The following PIGG variants were observed in gnomAD, a reference collection of about 807,000 sequenced individuals.
PIGG encodes the protein GPI ethanolamine phosphate transferase 2, catalytic subunit.
PIGG carries 70 observed loss-of-function variants against 83.2 expected under a neutral mutation model. The ratio of observed to expected loss-of-function variants is 0.84; its 90% CI spans 0.69 to 1.03. The LOEUF is 1.03. PIGG is among the 50% of genes least tolerant of loss of function. The probability of loss-of-function intolerance (pLI) is 0.00; values close to 1 mark genes in which losing one functional copy is unlikely to be tolerated. For synonymous variants in PIGG, 532 were observed against 519.5 expected (o/e 1.02, Z -0.33); for missense variants, 1,257 against 1,233.6 (o/e 1.02, Z -0.28).
chr4:516,615 T>G (rs1723949690), intron 6 of PIGG, among the ~76,000 whole-genome samples: 1 of 152,004 alleles, frequency 6.6e-6, no homozygotes, highest in African/African-American at 2.4e-5. Context: ...CCCAGCACTT[T>G]GGGAGGCCAA....
chr4:506,641 T>C (rs965478562), intron 3 of PIGG: 3 of 390,964 alleles, frequency 7.7e-6, no homozygotes, highest in East Asian at 7.4e-5. Context: ...CTTCTCTTCA[T>C]AGGAGATTTT....
intron 2 of PIGG, chr4:502,224 T>G (rs1376948351): frequency 6.6e-6 from 1 of 152,240 alleles, no homozygotes; most frequent in African/African-American, 2.4e-5. Flanking sequence ...TGTCTCCAGC[T>G]TATTGGTTTT....
In PIGG at chr4:521,870, G is replaced by A. The variant is rs749179747; in HGVS notation, c.1543G>A (p.Ala515Thr). Reference protein sequence around the residue: ...WLAAGGVMVLASALLCVIVSV... With the variant: ...WLAAGGVMVLTSALLCVIVSV... ...GGCGGCAGGTGGGGTGATGGTGCTG[G>A]CCTCGGCGCTGCTGTGTGTGATTGT... The change falls in exon 8 of 13, where the codon GCC (alanine) becomes ACC (threonine). Residue 515 changes from alanine to threonine, a missense_variant. By Grantham distance (58) the Ala-to-Thr change is moderately conservative. Coordinates refer to ENST00000453061, the MANE Select transcript of PIGG (RefSeq NM_001127178.3). The A allele has an allele frequency of 5.0e-6, 8 of 1,614,210 alleles. No individual in the cohort carries two copies. Among genetic ancestry groups the A allele is most frequent in the Non-Finnish European group, 6.8e-6 (8 of 1,180,032 alleles).
intron 4 of PIGG, 100 bp from the exon 5 acceptor site, chr4:508,729 C>A: frequency 9.7e-7 from 1 of 1,031,616 alleles, no homozygotes; most frequent in Non-Finnish European, 1.5e-6. Context: ...GAAAGAGCTA[C>A]AACTCTATAA....
At chr4:516,819 G>T (rs1247929993) in intron 6 of PIGG, among the ~76,000 whole-genome samples, 1 of 134,888 alleles carries the variant, frequency 7.4e-6, no homozygotes, top group African/African-American at 2.9e-5. Context: ...TCGCGCTACT[G>T]CACTCCAGCC....
chr4:530,917 A>T, intron 11 of PIGG, 172 bp downstream of exon 11: 1 of 595,014 alleles, frequency 1.7e-6, no homozygotes. Flanking sequence ...GTTGTTTAAG[A>T]CACGCGTCCC....
At chr4:527,276 T>A in intron 10 of PIGG, 46 bp downstream of exon 10, 1 of 1,521,332 alleles carries the variant, frequency 6.6e-7, no homozygotes, top group Non-Finnish European at 8.8e-7. Context: ...CTTTACTGTT[T>A]GAAGAACTGG....
intron 9 of PIGG, chr4:525,462 G>T: frequency 3.3e-6 from 2 of 603,706 alleles, no homozygotes; most frequent in Non-Finnish European, 4.2e-6. Flanking sequence ...GGCAGCAGAA[G>T]GAAAAGGGAA....
At chr4:535,006 C>A (rs1730120799) in intron 12 of PIGG, among the ~76,000 whole-genome samples, 2 of 152,258 alleles carry the variant, frequency 1.3e-5, no homozygotes, top group South Asian at 2.1e-4. Context: ...GTTCCCACCG[C>A]CGCACACTCT....
At chr4:526,983 G>T in intron 9 of PIGG, 56 bp from the exon 10 acceptor site, 1 of 1,604,940 alleles carries the variant, frequency 6.2e-7, no homozygotes, top group Non-Finnish European at 8.5e-7. Flanking sequence ...ACTTGGTGTA[G>T]ATTGATCTTG....
chr4:521,394 G>GT, intron 7 of PIGG, 121 bp downstream of exon 7: 1 of 742,208 alleles, frequency 1.3e-6, no homozygotes, highest in Non-Finnish European at 2.2e-6. Flanking sequence ...TAATTTTCTT[G>GT]TTTAACTCTT....
intron 1 of PIGG, 105 bp downstream of exon 1, chr4:499,594 G>C (rs990629937): frequency 1.4e-6 from 2 of 1,444,196 alleles, no homozygotes; most frequent in East Asian, 5.1e-5. Flanking sequence ...CTCCCCGGTG[G>C]TCTCTTCCAT....
rs1727286258 is a variant in PIGG, at chr4:525,367, A to C, written c.2069+1454A>C. Reference sequence around the variant, plus strand: ...GTGAAGACTTAGGAAACTAAAGCAAAAGAAGCAGCACAATGAGAGCATCTG... The same window carrying C: ...GTGAAGACTTAGGAAACTAAAGCAACAGAAGCAGCACAATGAGAGCATCTG... On this transcript the variant is annotated intron_variant, in intron 9 of 12. Coordinates refer to ENST00000453061, the MANE Select transcript of PIGG (RefSeq NM_001127178.3). 3.0e-6 allele frequency: 3 copies of C among 985,230 alleles called. No individual in the cohort carries two copies. The South Asian group carries it at 1.4e-4, about 46-fold the overall frequency. The allele number at this position is 985,230 out of a possible 1,614,324, so 61.0% of individuals were successfully genotyped here. A position where few individuals can be genotyped will look rare whatever the true frequency, so the allele number is the denominator to read the frequency against.
chr4:522,077 G>C, intron 8 of PIGG, 136 bp downstream of exon 8: 1 of 896,180 alleles, frequency 1.1e-6, no homozygotes, highest in Non-Finnish European at 1.8e-6. Context: ...GCCCTGGACA[G>C]GGGGCCTCAG....
At chr4:535,122 G>A (rs955753555) in intron 12 of PIGG, among the ~76,000 whole-genome samples, 16 of 152,358 alleles carry the variant, frequency 1.1e-4, no homozygotes, top group African/African-American at 2.6e-4. Context: ...CTGGCCTGGC[G>A]GAGTCAGGTG....
intron 12 of PIGG, among the ~76,000 whole-genome samples, chr4:534,655 G>A (rs1459728413): frequency 1.3e-5 from 2 of 152,218 alleles, no homozygotes; most frequent in African/African-American, 4.8e-5. Context: ...TGAGCCTGAG[G>A]TCTCCTCTCC....
intron 7 of PIGG, 81 bp from the exon 8 acceptor site, chr4:521,579 C>A: frequency 1.5e-6 from 2 of 1,340,288 alleles, no homozygotes; most frequent in South Asian, 1.3e-5. Context: ...ACAGCTGACA[C>A]GAGAGCGGGA....
At chr4:523,103 G>A (rs1160902432) in intron 8 of PIGG, among the ~76,000 whole-genome samples, 1 of 152,148 alleles carries the variant, frequency 6.6e-6, no homozygotes, top group East Asian at 1.9e-4. Context: ...GGGTCCAGGA[G>A]CCTTTGGGCA....
Position 521,740 on chromosome 4 carries a change from G to T in PIGG, c.1413G>T (p.Gly471=). ...TGGAAGTCCCACTGTCATCTCCTGG[G>T]TTTTCTCTGCTCTTTTATTTGGTGA... ...AELEVPLSSP[G]FSLLFYLVIL... The change falls in exon 8 of 13, where the codon GGG becomes GGT. Residue 471 remains glycine, a synonymous_variant. Coordinates refer to ENST00000453061, the MANE Select transcript of PIGG (RefSeq NM_001127178.3). 6.2e-7 allele frequency: 1 copy of T among 1,614,124 alleles called. No individual in the cohort carries two copies. Among genetic ancestry groups the T allele is most frequent in the Non-Finnish European group, 8.5e-7 (1 of 1,180,012 alleles).
Sources: allele counts gnomAD v4.1 joint callset (sites outside exome capture counted in the v4.1 genomes callset), GRCh38; gene constraint gnomAD v4.1.1; transcripts MANE v1.5; gene names NCBI Gene and HGNC (gene_info 2026-07-23, HGNC 2026-07-21).